TRAK2: variants seen among roughly 807,000 people sequenced by gnomAD.
The protein encoded by TRAK2 is trafficking kinesin protein 2, also known as trafficking kinesin-binding protein 2.
Under a neutral mutation model 104.6 loss-of-function variants are expected in TRAK2, and 81 were observed. The ratio of observed to expected loss-of-function variants is 0.77; its 90% CI spans 0.65 to 0.93. The LOEUF (loss-of-function observed/expected upper bound fraction) is 0.93, where lower values mean the gene tolerates loss of function less well. TRAK2 is among the 40% of genes least tolerant of loss of function. The pLI is 0.00. For synonymous variants in TRAK2, 406 were observed against 394.4 expected (o/e 1.03, Z -0.35); for missense variants, 1,002 against 1,089.0 (o/e 0.92, Z 1.12).
intron 3 of TRAK2, 52 bp downstream of exon 3, chr2:201,407,351 C>CAAATACAAAGATCAATA: frequency 1.4e-6 from 2 of 1,479,208 alleles, no homozygotes; most frequent in Non-Finnish European, 1.9e-6. Context: ...TACCAAGATA[C>CAAATACAAAGATCAATA]CCATGATCAT....
chr2:201,427,574 A>G (rs1159816057), intron 1 of TRAK2, among the ~76,000 whole-genome samples: 2 of 152,196 alleles, frequency 1.3e-5, no homozygotes, highest in African/African-American at 4.8e-5. Flanking sequence ...TCTACCAATG[A>G]TAGACATTTG....
intron 3 of TRAK2, among the ~76,000 whole-genome samples, chr2:201,404,899 T>G (rs924878089): frequency 6.6e-6 from 1 of 152,236 alleles, no homozygotes; most frequent in African/African-American, 2.4e-5. Context: ...CAGCCCTTGC[T>G]GCTACGATAT....
intron 9 of TRAK2, among the ~76,000 whole-genome samples, chr2:201,393,390 A>G (rs966697891): frequency 1.3e-5 from 2 of 152,150 alleles, no homozygotes; most frequent in African/African-American, 2.4e-5. Flanking sequence ...GTTTAGTATA[A>G]TATTAATCTT....
chr2:201,437,507 C>A (rs1042281696), intron 1 of TRAK2, among the ~76,000 whole-genome samples: 3 of 152,138 alleles, frequency 2.0e-5, no homozygotes, highest in African/African-American at 7.2e-5. Flanking sequence ...CTAAACTGAA[C>A]TCATTTTTCC....
chr2:201,433,605 T>C (rs1951859912), intron 1 of TRAK2: 1 of 152,206 alleles, frequency 6.6e-6, no homozygotes, highest in Non-Finnish European at 1.5e-5. Context: ...TTGTTTATAA[T>C]GAATATCTGC....
At chr2:201,394,932 T>C (rs1951487466) in intron 8 of TRAK2, 60 bp from the exon 9 acceptor site, 1 of 1,392,378 alleles carries the variant, frequency 7.2e-7, no homozygotes, top group South Asian at 1.2e-5. Flanking sequence ...GCTATTCTCT[T>C]TCTTATAAAG....
intron 2 of TRAK2, among the ~76,000 whole-genome samples, chr2:201,417,958 TA>T (rs958592109): frequency 6.6e-6 from 1 of 152,090 alleles, no homozygotes; most frequent in African/African-American, 2.4e-5. Context: ...CAGTGCCATT[TA>T]AAAAAATACT....
chr2:201,419,243 G>A (rs1951719254), intron 2 of TRAK2: 1 of 152,628 alleles, frequency 6.6e-6, no homozygotes, highest in Admixed American at 6.5e-5. Context: ...GTCAGCAAAC[G>A]ACAGCCCACA....
chr2:201,386,503 G>A lies in TRAK2; in HGVS notation c.1697-19C>T, dbSNP rs1338522562. On this transcript the variant is annotated intron_variant, in intron 13 of 15. Coordinates refer to ENST00000332624, the MANE Select transcript of TRAK2 (RefSeq NM_015049.3). ...TGTGATCCTGAATATGCAAAACAAA[G>A]GAAGGGGAAAGGCATGTTTTACATT... The A allele has an allele frequency of 7.5e-6, 12 of 1,609,844 alleles. No homozygotes were observed. Among genetic ancestry groups the A allele is most frequent in the African/African-American group, 1.3e-5 (1 of 74,820 alleles).
intron 1 of TRAK2, among the ~76,000 whole-genome samples, chr2:201,442,907 C>T (rs1342046811): frequency 6.6e-6 from 1 of 152,102 alleles, no homozygotes; most frequent in African/African-American, 2.4e-5. Context: ...TATTATATAC[C>T]TTTCAATTTT....
chr2:201,399,282 C>T lies in TRAK2; in HGVS notation c.480+95G>A, dbSNP rs1951528034. On this transcript the variant is annotated intron_variant, in intron 5 of 15. Coordinates refer to ENST00000332624, the MANE Select transcript of TRAK2 (RefSeq NM_015049.3). ...GTGAACAAGTACTGGTGTTATTTAT[C>T]TATTGCCATCATTTCAGGGACACCT... 6.7e-6 allele frequency: 5 copies of T among 742,636 alleles called. No homozygotes were observed. In the East Asian group the frequency reaches 7.6e-5, roughly 11 times the overall value. 46.0% of individuals were successfully genotyped at this position (742,636 alleles called of 1,614,324 possible). A position where few individuals can be genotyped will look rare whatever the true frequency, so the allele number is the denominator to read the frequency against.
chr2:201,382,448 T>C (rs1307674009), intron 15 of TRAK2, among the ~76,000 whole-genome samples: 1 of 152,180 alleles, frequency 6.6e-6, no homozygotes, highest in African/African-American at 2.4e-5. Flanking sequence ...TGAGTTTGAC[T>C]CCCTGGTCAA....
intron 1 of TRAK2, among the ~76,000 whole-genome samples, chr2:201,435,092 T>C (rs1425156810): frequency 6.6e-6 from 1 of 152,242 alleles, no homozygotes; most frequent in South Asian, 2.1e-4. Flanking sequence ...GGTCTTACTC[T>C]GTTGCCCAGG....
rs184662956 is a variant in TRAK2 at position 201,421,042 on chromosome 2, C to T, written c.-199-336G>A. ...GACTGTGGTGATGGTTTTACAAATG[C>T]GTATCAAAAGTGGTTAAATTGTACA... On this transcript the variant is annotated intron_variant, in intron 1 of 15. Coordinates refer to ENST00000332624, the MANE Select transcript of TRAK2 (RefSeq NM_015049.3). 1.9e-3 allele frequency among the ~76,000 whole-genome samples: 295 copies of T among 152,090 alleles called. 2 individuals carry two copies. Among genetic ancestry groups the T allele is most frequent in the Non-Finnish European group, 3.6e-3 (246 of 67,998 alleles).
intron 15 of TRAK2, among the ~76,000 whole-genome samples, chr2:201,383,089 C>G (rs1346937609): frequency 6.6e-6 from 1 of 152,120 alleles, no homozygotes; most frequent in Admixed American, 6.5e-5. Flanking sequence ...TAAAAGCTAC[C>G]TTAGATCCTT....
At chr2:201,429,800 G>T (rs944668823) in intron 1 of TRAK2, among the ~76,000 whole-genome samples, 1 of 152,098 alleles carries the variant, frequency 6.6e-6, no homozygotes, top group Non-Finnish European at 1.5e-5. Context: ...CTTTGCGATG[G>T]GTTCAAACAT....
chr2:201,383,694 C>T (rs1951363716), intron 15 of TRAK2, among the ~76,000 whole-genome samples: 1 of 152,228 alleles, frequency 6.6e-6, no homozygotes, highest in African/African-American at 2.4e-5. Flanking sequence ...GCTGTGAGTT[C>T]TGTGAGATCT....
intron 1 of TRAK2, among the ~76,000 whole-genome samples, chr2:201,430,982 T>G (rs1951837537): frequency 6.6e-6 from 1 of 152,190 alleles, no homozygotes; most frequent in Non-Finnish European, 1.5e-5. Flanking sequence ...ATTTCTTAAA[T>G]TTCTGGCTCA....
chr2:201,428,396 G>C (rs1295553636), intron 1 of TRAK2, among the ~76,000 whole-genome samples: 1 of 152,214 alleles, frequency 6.6e-6, no homozygotes, highest in Non-Finnish European at 1.5e-5. Context: ...TGGCTAGCCA[G>C]TTTTCCCAGC....
Sources: gnomAD v4.1 joint callset for allele counts (sites outside exome capture counted in the v4.1 genomes callset) on GRCh38, gnomAD v4.1.1 for gene constraint, MANE v1.5 for transcripts, NCBI Gene and HGNC (gene_info 2026-07-23, HGNC 2026-07-21) for gene names.